Variants in FOXP2 observed in about 807,000 individuals in gnomAD.
The protein encoded by FOXP2 is forkhead box P2.
FOXP2 carries 12 observed loss-of-function variants against 115.8 expected under a neutral mutation model. The ratio of observed to expected loss-of-function variants is 0.10; its 90% CI spans 0.07 to 0.17. FOXP2 has a LOEUF of 0.17. FOXP2 is among the 10% of genes least tolerant of loss of function. The probability of loss-of-function intolerance (pLI) is 1.00; values close to 1 mark genes in which losing one functional copy is unlikely to be tolerated. For synonymous variants in FOXP2, 328 were observed against 297.7 expected (o/e 1.10, Z -1.05); for missense variants, 629 against 843.5 (o/e 0.75, Z 3.15).
chr7:114,384,023 T>C (rs1792378223), intron 2 of FOXP2, among the ~76,000 whole-genome samples: 1 of 152,062 alleles, frequency 6.6e-6, no homozygotes, highest in African/African-American at 2.4e-5. Context: ...AGTGGTCCTT[T>C]ACCAGTGTGC....
At chr7:114,094,367 C>T (rs1799601025) in intron 1 of FOXP2, among the ~76,000 whole-genome samples, 1 of 152,150 alleles carries the variant, frequency 6.6e-6, no homozygotes, top group East Asian at 1.9e-4. Flanking sequence ...TACAGATCTC[C>T]CTCTCACATA....
chr7:114,141,545 AG>A (rs1319937814), intron 1 of FOXP2, among the ~76,000 whole-genome samples: 2 of 152,222 alleles, frequency 1.3e-5, no homozygotes, highest in Non-Finnish European at 2.9e-5. Flanking sequence ...GATGAGTCAC[AG>A]TAAGTTAACA....
intron 1 of FOXP2, among the ~76,000 whole-genome samples, chr7:114,178,323 T>C (rs553192030): frequency 5.9e-4 from 90 of 152,052 alleles, no homozygotes; most frequent in African/African-American, 2.1e-3. Context: ...TTCTTCTTTA[T>C]GATAGTTATT....
At chr7:114,406,749 T>C (rs1793046036) in intron 2 of FOXP2, among the ~76,000 whole-genome samples, 1 of 151,944 alleles carries the variant, frequency 6.6e-6, no homozygotes, top group African/African-American at 2.4e-5. Context: ...CTTCGAGGCA[T>C]AAAAGCACTC....
At chr7:114,366,231 G>A (rs758204499) in intron 2 of FOXP2, among the ~76,000 whole-genome samples, 2 of 152,066 alleles carry the variant, frequency 1.3e-5, no homozygotes, top group African/African-American at 2.4e-5. Flanking sequence ...CTGTGTGATC[G>A]AAACTACTAA....
chr7:114,337,783 T>C (rs568741826), intron 2 of FOXP2, among the ~76,000 whole-genome samples: 75 of 151,298 alleles, frequency 5.0e-4, no homozygotes, highest in African/African-American at 1.5e-3. Context: ...ACAAAAGTAA[T>C]TGGGGTTTTA....
chr7:114,555,362 G>A (rs564078347), intron 3 of FOXP2, among the ~76,000 whole-genome samples: 35 of 152,164 alleles, frequency 2.3e-4, no homozygotes, highest in Non-Finnish European at 5.0e-4. Flanking sequence ...CCTCTTAGTT[G>A]CTGTTCAGGT....
chr7:114,302,567 C>T (rs899113511), intron 2 of FOXP2, among the ~76,000 whole-genome samples: 3 of 152,142 alleles, frequency 2.0e-5, no homozygotes, highest in African/African-American at 4.8e-5. Context: ...GTTTCAGAAT[C>T]TGTAATTTTA....
intron 2 of FOXP2, among the ~76,000 whole-genome samples, chr7:114,338,314 C>T (rs1185744031): frequency 1.3e-5 from 2 of 150,606 alleles, no homozygotes; most frequent in Non-Finnish European, 3.0e-5. Flanking sequence ...TTCAATCCTC[C>T]CTGGATGCAC....
intron 1 of FOXP2, among the ~76,000 whole-genome samples, chr7:114,136,056 T>C (rs148747384): frequency 3.7e-4 from 56 of 152,218 alleles, no homozygotes; most frequent in African/African-American, 1.3e-3. Context: ...AAAACACAAT[T>C]CTGGGGAGGC....
intron 1 of FOXP2, among the ~76,000 whole-genome samples, chr7:114,089,799 T>C (rs1017303941): frequency 1.2e-4 from 18 of 152,000 alleles, no homozygotes; most frequent in Non-Finnish European, 2.9e-5. Flanking sequence ...ATTTCCTTTG[T>C]ACAAACAAAA....
intron 2 of FOXP2, among the ~76,000 whole-genome samples, chr7:114,299,687 A>G (rs968734155): frequency 6.6e-6 from 1 of 152,080 alleles, no homozygotes; most frequent in Admixed American, 6.6e-5. Flanking sequence ...TCTAACTAAT[A>G]TACTCATTTT....
intron 1 of FOXP2, among the ~76,000 whole-genome samples, chr7:114,098,953 G>A (rs944515209): frequency 4.6e-5 from 7 of 152,080 alleles, no homozygotes; most frequent in African/African-American, 1.2e-4. Flanking sequence ...TGGGCAACAT[G>A]GTGAAACCAT....
intron 2 of FOXP2, among the ~76,000 whole-genome samples, chr7:114,399,720 C>T (rs1354745402): frequency 6.6e-6 from 1 of 151,492 alleles, no homozygotes; most frequent in Non-Finnish European, 1.5e-5. Flanking sequence ...TTTAAAAATT[C>T]AATTAAATAA....
intron 1 of FOXP2, among the ~76,000 whole-genome samples, chr7:114,150,293 A>G (rs1484833892): frequency 6.6e-6 from 1 of 152,008 alleles, no homozygotes; most frequent in Non-Finnish European, 1.5e-5. Flanking sequence ...GCAGTTTTAT[A>G]ATTGATATCA....
intron 2 of FOXP2, among the ~76,000 whole-genome samples, chr7:114,508,783 T>C (rs1797940058): frequency 6.6e-6 from 1 of 151,986 alleles, no homozygotes; most frequent in African/African-American, 2.4e-5. Context: ...ACTTAGTAGG[T>C]TACTCTGATA....
intron 3 of FOXP2, among the ~76,000 whole-genome samples, chr7:114,588,312 C>G (rs1802256017): frequency 6.6e-6 from 1 of 151,278 alleles, no homozygotes; most frequent in African/African-American, 2.4e-5. Context: ...TCTCAAAAAA[C>G]AAAAACAAAA....
At chr7:114,664,748 G>A (rs186930808) in intron 16 of FOXP2, 140 of 374,124 alleles carry the variant, frequency 3.7e-4, no homozygotes, top group African/African-American at 2.4e-3. Context: ...TCACAGGTTG[G>A]TTTGTATGGT....
intron 2 of FOXP2, among the ~76,000 whole-genome samples, chr7:114,430,568 T>G (rs1207589152): frequency 1.3e-5 from 2 of 151,820 alleles, no homozygotes; most frequent in African/African-American, 4.8e-5. Flanking sequence ...CACTCACATC[T>G]TCACACATGA....
Sources: allele counts gnomAD v4.1 joint callset (sites outside exome capture counted in the v4.1 genomes callset), GRCh38; gene constraint gnomAD v4.1.1; transcripts MANE v1.5; gene names NCBI Gene and HGNC (gene_info 2026-07-23, HGNC 2026-07-21).